BPIFC: variants seen among roughly 807,000 people sequenced by gnomAD.
The protein encoded by BPIFC is BPI fold containing family C.
Under a neutral mutation model 57.6 loss-of-function variants are expected in BPIFC, and 60 were observed. The observed-to-expected ratio is 1.04, with a 90% CI of 0.85 to 1.29. The LOEUF (loss-of-function observed/expected upper bound fraction) is 1.29. Among genes scored for constraint, BPIFC ranks in the 50% most tolerant of loss-of-function variants. BPIFC has a pLI of 0.00. For synonymous variants in BPIFC, 243 were observed against 224.5 expected, an observed-to-expected ratio of 1.08 and a Z score of -0.74; for missense variants, 581 against 600.5, an observed-to-expected ratio of 0.97 and a Z score of 0.34.
At chr22:32,432,654 T>C in intron 11 of BPIFC, 111 bp from the exon 12 acceptor site, 1 of 1,049,146 alleles carries the variant, frequency 9.5e-7, no homozygotes, top group Non-Finnish European at 1.4e-6. Flanking sequence ...GCAGTTAGAA[T>C]AGAAAAAAAG....
At chr22:32,442,568 G>A in intron 8 of BPIFC, 103 bp downstream of exon 8, 1 of 1,167,846 alleles carries the variant, frequency 8.6e-7, no homozygotes, top group East Asian at 2.4e-5. Context: ...TATGAAGCAG[G>A]ATGGATAGCT....
At chr22:32,461,771 A>G (rs888606520) in intron 1 of BPIFC, 110 bp from the exon 2 acceptor site, 5 of 380,650 alleles carry the variant, frequency 1.3e-5, no homozygotes, top group African/African-American at 6.6e-5. Flanking sequence ...ACATTTTAAC[A>G]TATGGCGAGG....
intron 3 of BPIFC, 73 bp downstream of exon 3, chr22:32,457,190 T>A (rs1054996745): frequency 6.6e-7 from 1 of 1,512,296 alleles, no homozygotes; most frequent in African/African-American, 1.4e-5. Flanking sequence ...GCCCATGTTA[T>A]GAGCTGTTCA....
chr22:32,448,665 C>T (rs1031046307), intron 4 of BPIFC, among the ~76,000 whole-genome samples: 3 of 152,132 alleles, frequency 2.0e-5, no homozygotes, highest in Admixed American at 6.5e-5. Context: ...AACAGCTGGG[C>T]GCGGTGGCTC....
intron 4 of BPIFC, among the ~76,000 whole-genome samples, chr22:32,449,637 TCC>T (rs1411855395): frequency 6.6e-6 from 1 of 152,176 alleles, no homozygotes; most frequent in African/African-American, 2.4e-5. Context: ...AAAAAATCAT[TCC>T]TATGTTGGTG....
At position 32,415,919 on chromosome 22, in the gene BPIFC, A is replaced by C. The variant is rs1380830001; in HGVS notation, c.1397T>G (p.Leu466Arg). 6.3e-7 allele frequency: 1 copy of C among 1,581,516 alleles called. No homozygotes were observed. Among genetic ancestry groups the C allele is most frequent in the East Asian group, 2.3e-5 (1 of 43,620 alleles). Residue 466 changes from leucine to arginine, a missense_variant, in exon 16 of 17, where the codon CTT becomes CGT. By Grantham distance (102) the Leu-to-Arg change is moderately radical. Coordinates refer to ENST00000300399, the MANE Select transcript of BPIFC (RefSeq NM_174932.3). ...FLFVNSDIEV[L>R]EGFLLISTDL... ...AGGTGAGATTTGCATTCTTACCTCAAGAACTTCAATATCTGAATTGACGAA... is the reference window on the plus strand; with the variant it reads ...AGGTGAGATTTGCATTCTTACCTCACGAACTTCAATATCTGAATTGACGAA...
rs574023727 is a variant in BPIFC, at chr22:32,445,712, T to C, written c.531-14A>G. On this transcript the variant is annotated splice_polypyrimidine_tract_variant and intron_variant, in intron 6 of 16. Coordinates refer to ENST00000300399, the MANE Select transcript of BPIFC (RefSeq NM_174932.3). ...TTATACAGAACACTGAGGAAAAAAA[T>C]GAAAAAAAAAAAAAAAAAAAAAAGA... 102 of 169,616 alleles carry C rather than the reference T, an allele frequency of 6.0e-4. 1 individual carries two copies. The highest frequency in any genetic ancestry group is 1.4e-3 in the Middle Eastern group (1 of 706). 10.5% of individuals were successfully genotyped at this position (169,616 alleles called of 1,614,324 possible).
intron 13 of BPIFC, among the ~76,000 whole-genome samples, chr22:32,426,689 C>T (rs998833272): frequency 9.9e-5 from 15 of 151,954 alleles, no homozygotes; most frequent in Admixed American, 5.9e-4. Context: ...GTCAGGAGTT[C>T]GAGACCAGCC....
chr22:32,432,086 C>T (rs1934259827), intron 12 of BPIFC, among the ~76,000 whole-genome samples: 1 of 152,094 alleles, frequency 6.6e-6, no homozygotes, highest in Non-Finnish European at 1.5e-5. Context: ...AGGTGCACAA[C>T]ACCACCACAC....
chr22:32,419,480 T>C (rs1933773741), intron 13 of BPIFC, 76 bp from the exon 14 acceptor site: 1 of 1,367,686 alleles, frequency 7.3e-7, no homozygotes, highest in Non-Finnish European at 1.0e-6. Context: ...AGTAAAAGGA[T>C]ATTTTCAGTT....
At chr22:32,451,855 C>T (rs898112924) in intron 4 of BPIFC, among the ~76,000 whole-genome samples, 3 of 152,280 alleles carry the variant, frequency 2.0e-5, no homozygotes, top group African/African-American at 7.2e-5. Flanking sequence ...ATGTCCATCT[C>T]TCCCACTGGA....
At chr22:32,459,004 G>A (rs1935102584) in intron 2 of BPIFC, among the ~76,000 whole-genome samples, 1 of 152,236 alleles carries the variant, frequency 6.6e-6, no homozygotes, top group Admixed American at 6.5e-5. Context: ...CTTGATAGAT[G>A]AAGCACAGGT....
chr22:32,461,142 G>A (rs1002397963), intron 2 of BPIFC, among the ~76,000 whole-genome samples: 2 of 152,174 alleles, frequency 1.3e-5, no homozygotes, highest in African/African-American at 4.8e-5. Context: ...GAGTAGTTGG[G>A]GGCACTGGGA....
intron 13 of BPIFC, among the ~76,000 whole-genome samples, chr22:32,424,961 T>A (rs984497974): frequency 6.6e-6 from 1 of 151,658 alleles, no homozygotes; most frequent in African/African-American, 2.4e-5. Flanking sequence ...TTTGTATTAT[T>A]AGTAGAGATG....
At chr22:32,433,799 T>C in intron 10 of BPIFC, 27 bp from the exon 11 acceptor site, 1 of 1,598,484 alleles carries the variant, frequency 6.3e-7, no homozygotes, top group South Asian at 1.1e-5. Context: ...ATTATGTCAC[T>C]GTTAGGATTT....
At chr22:32,459,875 A>T (rs996484430) in intron 2 of BPIFC, among the ~76,000 whole-genome samples, 12 of 128,656 alleles carry the variant, frequency 9.3e-5, no homozygotes, top group African/African-American at 2.2e-4. Flanking sequence ...TAAAATAAAA[A>T]AAGAGGAAAC....
At chr22:32,420,489 A>G (rs1403688223) in intron 13 of BPIFC, among the ~76,000 whole-genome samples, 2 of 152,120 alleles carry the variant, frequency 1.3e-5, no homozygotes, top group East Asian at 1.9e-4. Flanking sequence ...TAGCTGTTCA[A>G]TCGTTGCAGA....
At position 32,457,291 on chromosome 22, in the gene BPIFC, T is replaced by G; in HGVS notation, c.96A>C (p.Ala32=). Residue 32 remains alanine (A), a synonymous_variant, in exon 3 of 17, where the codon GCA becomes GCC. Transcript: ENST00000300399. Reference sequence around the variant, plus strand: ...AGTCAAGTGCCCTCTGAGTAATCCTTGCCTTGATTCCAGGGTAAATGGTCT... The same window carrying G: ...AGTCAAGTGCCCTCTGAGTAATCCTGGCCTTGATTCCAGGGTAAATGGTCT... ...SSQTIYPGIK[A]RITQRALDYG... is the part of the protein sequence containing the mutation. The G allele has an allele frequency of 1.9e-6, 3 of 1,607,404 alleles. No homozygotes were observed. The highest frequency in any genetic ancestry group is 2.5e-6 in the Non-Finnish European group (3 of 1,178,552).
intron 9 of BPIFC, among the ~76,000 whole-genome samples, chr22:32,437,029 T>G (rs1934426084): frequency 6.6e-6 from 1 of 152,228 alleles, no homozygotes; most frequent in Non-Finnish European, 1.5e-5. Flanking sequence ...GCCACGTGCT[T>G]ATGGCCCTGA....
Sources: gnomAD v4.1 joint callset for allele counts (sites outside exome capture counted in the v4.1 genomes callset) on GRCh38, gnomAD v4.1.1 for gene constraint, MANE v1.5 for transcripts, NCBI Gene and HGNC (gene_info 2026-07-23, HGNC 2026-07-21) for gene names.